ZNF236: variants seen among roughly 807,000 people sequenced by gnomAD.
ZNF236 encodes zinc finger protein 236.
Under a neutral mutation model 191.2 loss-of-function variants are expected in ZNF236, and 50 were observed. That is an observed-to-expected ratio of 0.26 (90% confidence interval 0.21 to 0.33). The LOEUF (loss-of-function observed/expected upper bound fraction) is 0.33. Among genes scored for constraint, ZNF236 ranks in the 10% least tolerant of loss-of-function variants. The pLI is 1.00. For missense variants in ZNF236, 1,754 were observed against 2,374.5 expected (o/e 0.74, Z 5.43); for synonymous variants, 907 against 928.8 (o/e 0.98, Z 0.43).
chr18:76,942,224 G>A lies in ZNF236; in HGVS notation c.4782+4881G>A, dbSNP rs185428868. ...TGAGGAAACGGACTAATAGCACGGG[G>A]AAGAGATCCAATGTGAAGAAATCAA... On this transcript the variant is annotated intron_variant, in intron 26 of 30. Coordinates refer to ENST00000320610, the MANE Select transcript of ZNF236 (RefSeq NM_001306089.2). Among the ~76,000 whole-genome samples the A allele has an allele frequency of 1.4e-4, 21 of 152,312 alleles. No homozygotes were observed. The East Asian group carries it at 3.7e-3, about 27-fold the overall frequency.
rs543609499 is a variant in ZNF236 at position 76,888,357 on chromosome 18, C to G, written c.1418-6656C>G. 3 of 152,682 alleles carry G rather than the reference C, an allele frequency of 2.0e-5. No individual in the cohort carries two copies. The East Asian group carries it at 5.8e-4, about 29-fold the overall frequency. 9.5% of individuals were successfully genotyped at this position (152,682 alleles called of 1,614,324 possible). Reference sequence around the variant, plus strand: ...CAGCCTGGGCGACAGAGCGAGACTCCGTCTCAAAAACCAAACAAACAAACA... The same window carrying G: ...CAGCCTGGGCGACAGAGCGAGACTCGGTCTCAAAAACCAAACAAACAAACA... On this transcript the variant is annotated intron_variant, in intron 9 of 30. Transcript: ENST00000320610.
At chr18:76,868,176 T>C (rs1976468167) in intron 3 of ZNF236, among the ~76,000 whole-genome samples, 1 of 152,172 alleles carries the variant, frequency 6.6e-6, no homozygotes, top group Admixed American at 6.6e-5. Context: ...ACACGCTCAG[T>C]CAGCCGGGCC....
intron 3 of ZNF236, among the ~76,000 whole-genome samples, chr18:76,858,177 T>C (rs777071352): frequency 5.3e-5 from 8 of 152,204 alleles, no homozygotes; most frequent in Non-Finnish European, 8.8e-5. Flanking sequence ...ATGCGCAGTT[T>C]TTAAAAAAAA....
Position 76,875,757 on chromosome 18 carries a change from T to A in ZNF236, c.840+93T>A. On this transcript the variant is annotated intron_variant, in intron 6 of 30. Coordinates refer to ENST00000320610, the MANE Select transcript of ZNF236 (RefSeq NM_001306089.2). This position sits in a 1 kb window ranked among gnomAD's most constrained non-coding sequence, Gnocchi z 4.3. ...CGGACCTGAGAAATTCTTTTCCATT[T>A]AAAAAAATGCAGATTGATTTTGTGC... is the stretch of plus-strand genomic sequence containing the variant. 2 of 1,261,876 alleles carry A rather than the reference T, an allele frequency of 1.6e-6. No individual in the cohort carries two copies. The highest frequency in any genetic ancestry group is 2.0e-6 in the Non-Finnish European group (2 of 977,694). 78.2% of individuals were successfully genotyped at this position (1,261,876 alleles called of 1,614,324 possible). A position where few individuals can be genotyped will look rare whatever the true frequency, so the allele number is the denominator to read the frequency against.
Position 76,928,098 on chromosome 18 carries a change from C to T in ZNF236, c.4586C>T (p.Thr1529Ile). ...SSGSPQEITL[T>I]ISELNTTSGS... ...GGGTCTCCACAGGAAATTACCCTGA[C>T]TATCTCCGGTTAGTAAGTTATAATT... Residue 1529 changes from threonine to isoleucine, a missense_variant, in exon 25 of 31, where the codon ACT becomes ATT. By Grantham distance (89) the Thr-to-Ile change is moderately conservative. Coordinates refer to ENST00000320610, the MANE Select transcript of ZNF236 (RefSeq NM_001306089.2). The T allele has an allele frequency of 1.2e-6, 2 of 1,608,742 alleles. No homozygotes were observed. The highest frequency in any genetic ancestry group is 1.7e-6 in the Non-Finnish European group (2 of 1,177,668).
intron 9 of ZNF236, among the ~76,000 whole-genome samples, chr18:76,891,406 T>G (rs1466849635): frequency 6.6e-6 from 1 of 152,206 alleles, no homozygotes; most frequent in Non-Finnish European, 1.5e-5. Context: ...AGACAGGGTC[T>G]CTGTTGCCCA....
At chr18:76,852,733 C>A (rs1382887953) in intron 3 of ZNF236, among the ~76,000 whole-genome samples, 1 of 152,094 alleles carries the variant, frequency 6.6e-6, no homozygotes, top group Non-Finnish European at 1.5e-5. Flanking sequence ...AGGAGAAAGT[C>A]ATCTCTAATT....
chr18:76,870,344 T>A lies in ZNF236; in HGVS notation c.543-1357T>A, dbSNP rs568274038. On this transcript the variant is annotated intron_variant, in intron 4 of 30. Transcript: ENST00000320610. ...TTAAACCCCCAAATATAATACATGG[T>A]CTCTATACACTCCAGATTTTTATTC... Among the ~76,000 whole-genome samples, 24 of 152,306 alleles carry A rather than the reference T, an allele frequency of 1.6e-4. 1 individual carries two copies. Among genetic ancestry groups the A allele is most frequent in the African/African-American group, 5.8e-4 (24 of 41,564 alleles).
At chr18:76,871,490 A>AT (rs3835318) in intron 4 of ZNF236, among the ~76,000 whole-genome samples, 2,544 of 152,204 alleles carry the variant, frequency 0.017, 29 homozygotes, top group Middle Eastern at 0.02. Context: ...GAAAAAACAA[A>AT]TTTTTTTTCA....
Position 76,937,362 on chromosome 18 carries a change from G to A in ZNF236, c.4782+19G>A. 9 of 1,560,134 alleles carry A rather than the reference G, an allele frequency of 5.8e-6. No individual in the cohort carries two copies. Among genetic ancestry groups the A allele is most frequent in the Non-Finnish European group, 7.9e-6 (9 of 1,142,722 alleles). On this transcript the variant is annotated intron_variant, in intron 26 of 30. Transcript: ENST00000320610. ...CTCTCAGGCAAGTGCTCCTCAGAGA[G>A]GGATGCGAAGGTCCTTTCAAAAAGT... is the stretch of plus-strand genomic sequence containing the variant.
intron 1 of ZNF236, among the ~76,000 whole-genome samples, chr18:76,825,613 A>C (rs929965661): frequency 6.6e-6 from 1 of 152,076 alleles, no homozygotes; most frequent in African/African-American, 2.4e-5. Context: ...ATTCTTAACT[A>C]TTTTTGGGGA....
intron 26 of ZNF236, among the ~76,000 whole-genome samples, chr18:76,939,752 C>G (rs1422180078): frequency 6.6e-6 from 1 of 152,180 alleles, no homozygotes; most frequent in Non-Finnish European, 1.5e-5. Context: ...GCTTTGGGAA[C>G]TCGGTGGGCG....
Position 76,928,118 on chromosome 18 carries a change from A to G in ZNF236, c.4594+12A>G. The G allele has an allele frequency of 6.3e-7, 1 of 1,599,472 alleles. No individual in the cohort carries two copies. The highest frequency in any genetic ancestry group is 8.5e-7 in the Non-Finnish European group (1 of 1,172,254). On this transcript the variant is annotated intron_variant, in intron 25 of 30. Transcript: ENST00000320610. ...CCTGACTATCTCCGGTTAGTAAGTT[A>G]TAATTTTAAACATCTTTTCACCCTG...
At chr18:76,865,758 T>C (rs866929554) in intron 3 of ZNF236, among the ~76,000 whole-genome samples, 16 of 152,194 alleles carry the variant, frequency 1.1e-4, no homozygotes, top group Middle Eastern at 3.2e-3. Context: ...CAACATTGGA[T>C]TGGAGTAGTA....
intron 3 of ZNF236, among the ~76,000 whole-genome samples, chr18:76,863,234 A>G (rs983672618): frequency 6.6e-6 from 1 of 152,224 alleles, no homozygotes; most frequent in Non-Finnish European, 1.5e-5. Context: ...CTACATTTGC[A>G]TCATGGTCAT....
intron 3 of ZNF236, among the ~76,000 whole-genome samples, chr18:76,863,513 A>G (rs1457036648): frequency 1.3e-5 from 2 of 152,234 alleles, no homozygotes. Flanking sequence ...ATCTGCCTCC[A>G]TGGAAGCTAA....
rs537970531 is a variant in ZNF236 at position 76,871,583 on chromosome 18, A to G, written c.543-118A>G. 17 of 1,085,090 alleles carry G rather than the reference A, an allele frequency of 1.6e-5. No individual in the cohort carries two copies. The East Asian group carries it at 3.6e-4, about 23-fold the overall frequency. 67.2% of individuals were successfully genotyped at this position (1,085,090 alleles called of 1,614,324 possible). ...ACACATACATATATGTGATTGATTT[A>G]TCATTAAAACAGGTTCTGATGACTA... On this transcript the variant is annotated intron_variant, in intron 4 of 30. Coordinates refer to ENST00000320610, the MANE Select transcript of ZNF236 (RefSeq NM_001306089.2).
At chr18:76,905,533 A>AG in intron 13 of ZNF236, 118 bp downstream of exon 13, 5 of 859,414 alleles carry the variant, frequency 5.8e-6, no homozygotes, top group African/African-American at 1.9e-5. Flanking sequence ...AGCTCATACT[A>AG]TATGGGCTCA....
chr18:76,941,502 C>A (rs1206143589), intron 26 of ZNF236, among the ~76,000 whole-genome samples: 1 of 152,200 alleles, frequency 6.6e-6, no homozygotes, highest in Non-Finnish European at 1.5e-5. Flanking sequence ...CCCTCCCACC[C>A]ACTGCACAGG....
Sources: allele counts gnomAD v4.1 joint callset (sites outside exome capture counted in the v4.1 genomes callset), GRCh38; gene constraint gnomAD v4.1.1; non-coding constraint Gnocchi (gnomAD v3.1); transcripts MANE v1.5; gene names NCBI Gene and HGNC (gene_info 2026-07-23, HGNC 2026-07-21).